The following HPGDS variants were observed in gnomAD, a reference collection of about 807,000 sequenced individuals.
HPGDS encodes hematopoietic prostaglandin D synthase, also known as GST class-sigma.
HPGDS carries 26 observed loss-of-function variants against 23.1 expected under a neutral mutation model. The ratio of observed to expected loss-of-function variants is 1.13; its 90% confidence interval spans 0.83 to 1.56. HPGDS has a LOEUF of 1.56. Ranked by LOEUF, HPGDS falls within the 40% of genes most tolerant of loss-of-function variation. The pLI, the probability that HPGDS is intolerant of heterozygous loss-of-function variation, is 0.00. For missense variants in HPGDS, 268 were observed against 236.4 expected (o/e 1.13, Z -0.88); for synonymous variants, 95 against 77.9 (o/e 1.22, Z -1.16).
At chr4:94,334,299 C>A in intron 2 of HPGDS, 198 bp downstream of exon 2, 1 of 456,310 alleles carries the variant, frequency 2.2e-6, no homozygotes, top group Non-Finnish European at 3.8e-6. Flanking sequence ...CCTTTATATT[C>A]TCTTTCTGTA....
chr4:94,316,033 CT>C (rs887184146), intron 3 of HPGDS, among the ~76,000 whole-genome samples: 2 of 152,108 alleles, frequency 1.3e-5, no homozygotes, highest in Non-Finnish European at 2.9e-5. Flanking sequence ...ACCAGCTCTC[CT>C]TTTTTTACCC....
chr4:94,338,885 G>A (rs965373149), intron 1 of HPGDS, among the ~76,000 whole-genome samples: 2 of 152,174 alleles, frequency 1.3e-5, no homozygotes, highest in African/African-American at 2.4e-5. Context: ...GATTTCAAAT[G>A]GAAATGCTAA....
intron 2 of HPGDS, among the ~76,000 whole-genome samples, chr4:94,331,293 ATCTTC>A (rs1196815754): frequency 6.6e-6 from 1 of 152,146 alleles, no homozygotes; most frequent in African/African-American, 2.4e-5. Context: ...TGGATAGAAT[ATCTTC>A]TCTTATTTCT....
intron 5 of HPGDS, among the ~76,000 whole-genome samples, chr4:94,300,423 A>G (rs1045314473): frequency 3.9e-5 from 6 of 152,198 alleles, no homozygotes; most frequent in Non-Finnish European, 7.3e-5. Context: ...CTTTGGCTCC[A>G]TATGATTATC....
chr4:94,325,611 G>T (rs576473251), intron 2 of HPGDS, among the ~76,000 whole-genome samples: 1 of 152,214 alleles, frequency 6.6e-6, no homozygotes, highest in Non-Finnish European at 1.5e-5. Flanking sequence ...ATAATCTCCT[G>T]TTGTGCCATT....
At position 94,299,577 on chromosome 4, in the gene HPGDS, A is replaced by G. The variant is rs1755994579; in HGVS notation, c.503T>C (p.Leu168Ser). 6.2e-7 allele frequency: 1 copy of G among 1,614,026 alleles called. No individual in the cohort carries two copies. Among genetic ancestry groups the G allele is most frequent in the Non-Finnish European group, 8.5e-7 (1 of 1,180,018 alleles). ...TTLLVFKPDL[L>S]DNHPRLVTLR... ...AGTCACCAGCCTTGGATGGTTGTCTAACAGGTCAGGCTTAAAGACCAAAAG... is the reference window on the plus strand; with the variant it reads ...AGTCACCAGCCTTGGATGGTTGTCTGACAGGTCAGGCTTAAAGACCAAAAG... Residue 168 changes from leucine to serine, a missense_variant, in exon 6 of 6, where the codon TTA becomes TCA. Coordinates refer to ENST00000295256, the MANE Select transcript of HPGDS (RefSeq NM_014485.3).
At chr4:94,321,684 A>G (rs1363202948) in intron 2 of HPGDS, among the ~76,000 whole-genome samples, 5 of 152,190 alleles carry the variant, frequency 3.3e-5, no homozygotes, top group Non-Finnish European at 5.9e-5. Context: ...GGGGTTTTCT[A>G]AATATACAAT....
chr4:94,311,673 C>T (rs1560586661), intron 3 of HPGDS, among the ~76,000 whole-genome samples: 2 of 151,380 alleles, frequency 1.3e-5, no homozygotes, highest in Non-Finnish European at 2.9e-5. Flanking sequence ...AGGGAGGATT[C>T]CCTCTTTTTC....
chr4:94,316,605 T>A (rs1232433355), intron 3 of HPGDS, among the ~76,000 whole-genome samples: 1 of 152,240 alleles, frequency 6.6e-6, no homozygotes, highest in Non-Finnish European at 1.5e-5. Context: ...TCAGATCCAA[T>A]CTATCCTTCT....
rs542390517 is a variant in HPGDS at position 94,336,384 on chromosome 4, C to T, written c.-9-1746G>A. On this transcript the variant is annotated intron_variant, in intron 1 of 5. Transcript: ENST00000295256. ...AGAAGCTCCCAGGTTCAGGAAGTGA[C>T]GGTGATGGTAATTCCTAGCAAAACC... Among the ~76,000 whole-genome samples the T allele has an allele frequency of 4.5e-4, 68 of 152,096 alleles. 1 individual carries two copies. In the South Asian group the frequency reaches 8.7e-3, roughly 19 times the overall value.
In HPGDS at chr4:94,299,213, T is replaced by C; in HGVS notation, c.*267A>G. On this transcript the variant is annotated 3_prime_UTR_variant, in exon 6 of 6. Transcript: ENST00000295256. ...AACCATTATGACTGCAATTCGTGCA[T>C]GTTAGAACCTGTGCAAAGCAAGGTC... The C allele has an allele frequency of 3.2e-6, 1 of 309,270 alleles. No individual in the cohort carries two copies. Among genetic ancestry groups the C allele is most frequent in the Non-Finnish European group, 5.9e-6 (1 of 168,158 alleles). The allele number at this position is 309,270 out of a possible 1,614,324, so 19.2% of individuals were successfully genotyped here. A position where few individuals can be genotyped will look rare whatever the true frequency, so the allele number is the denominator to read the frequency against.
chr4:94,340,647 T>C (rs914392610), intron 1 of HPGDS, among the ~76,000 whole-genome samples: 85 of 31,648 alleles, frequency 2.7e-3, no homozygotes, highest in South Asian at 5.9e-3. Flanking sequence ...CCCGCCCCCC[T>C]CCCTTTTTTT....
chr4:94,317,927 C>T lies in HPGDS; in HGVS notation c.172G>A (p.Gly58Arg). 1 of 1,611,610 alleles carries T rather than the reference C, an allele frequency of 6.2e-7. No individual in the cohort carries two copies. Among genetic ancestry groups the T allele is most frequent in the Non-Finnish European group, 8.5e-7 (1 of 1,178,794 alleles). The stretch of plus-strand genomic sequence containing the variant: ...GCTAGGCTCTGGTGAAGAGTAAGTC[C>T]ATCAACTTCCAAAATGGGGATTTTT... The part of the protein sequence containing the change: ...FGKIPILEVD[G>R]LTLHQSLAIA... The change falls in exon 3 of 6, where the codon GGA becomes AGA. Residue 58 changes from glycine to arginine, a missense_variant. Physicochemically the swap from Gly to Arg is moderately radical, Grantham distance 125. Transcript: ENST00000295256.
Position 94,340,311 on chromosome 4 carries a change from C to CTTTTCTTTTTTTTTTTTTTTT in HPGDS, c.-10+2483_-10+2484insAAAAAAAAAAAAAAAAGAAAA, listed in dbSNP as rs1721126934. On this transcript the variant is annotated intron_variant, in intron 1 of 5. Coordinates refer to ENST00000295256, the MANE Select transcript of HPGDS (RefSeq NM_014485.3). The stretch of plus-strand genomic sequence containing the variant: ...TTTCTTTCTTTCTTTCTTTCTTTCT[C>CTTTTCTTTTTTTTTTTTTTTT]TTTTTTTTTTTTTTTTTTTTTTTTT... Among the ~76,000 whole-genome samples the CTTTTCTTTTTTTTTTTTTTTT allele has an allele frequency of 3.0e-4, 7 of 23,686 alleles. 1 individual carries two copies. Among genetic ancestry groups the CTTTTCTTTTTTTTTTTTTTTT allele is most frequent in the East Asian group, 1.4e-3 (1 of 726 alleles). 15.5% of individuals were successfully genotyped at this position (23,686 alleles called of 152,430 possible). A position where few individuals can be genotyped will look rare whatever the true frequency, so the allele number is the denominator to read the frequency against.
chr4:94,300,725 GA>G (rs373133686), intron 5 of HPGDS, among the ~76,000 whole-genome samples: 21,799 of 147,076 alleles, frequency 0.15, 1,776 homozygotes, highest in Non-Finnish European at 0.19. Flanking sequence ...TAGGGGTTAG[GA>G]AAAAAAAAAA....
In HPGDS at chr4:94,340,313, T is replaced by TTTTC. The variant is rs1721129950; in HGVS notation, c.-10+2481_-10+2482insGAAA. ...TCTTTCTTTCTTTCTTTCTTTCTCT[T>TTTTC]TTTTTTTTTTTTTTTTTTTTTTTTT... On this transcript the variant is annotated intron_variant, in intron 1 of 5. Coordinates refer to ENST00000295256, the MANE Select transcript of HPGDS (RefSeq NM_014485.3). Among the ~76,000 whole-genome samples, 2 of 17,612 alleles carry TTTTC rather than the reference T, an allele frequency of 1.1e-4. 1 individual carries two copies. The highest frequency in any genetic ancestry group is 2.1e-4 in the Non-Finnish European group (2 of 9,470). The allele number at this position is 17,612 out of a possible 152,430, so 11.6% of individuals were successfully genotyped here. A position where few individuals can be genotyped will look rare whatever the true frequency, so the allele number is the denominator to read the frequency against.
chr4:94,334,643 A>T lies in HPGDS; in HGVS notation c.-9-5T>A. ...GTAGTTTGGCATGGTGCAATTCTGG[A>T]AAAAGAAAAAGGGAGGGATTATTTT... On this transcript the variant is annotated splice_region_variant and splice_polypyrimidine_tract_variant and intron_variant, in intron 1 of 5. Coordinates refer to ENST00000295256, the MANE Select transcript of HPGDS (RefSeq NM_014485.3). 1 of 1,605,318 alleles carries T rather than the reference A, an allele frequency of 6.2e-7. No individual in the cohort carries two copies.
intron 5 of HPGDS, among the ~76,000 whole-genome samples, chr4:94,300,908 G>A (rs1312949133): frequency 3.3e-5 from 5 of 152,166 alleles, no homozygotes; most frequent in Non-Finnish European, 7.3e-5. Flanking sequence ...ATGTGAGTTA[G>A]GTCTGAGGGA....
chr4:94,335,985 C>T (rs1721003030), intron 1 of HPGDS, among the ~76,000 whole-genome samples: 1 of 152,098 alleles, frequency 6.6e-6, no homozygotes, highest in Admixed American at 6.5e-5. Context: ...GCAGGCGGAT[C>T]ACCTGAAGCC....
Sources: gnomAD v4.1 joint callset for allele counts (sites outside exome capture counted in the v4.1 genomes callset) on GRCh38, gnomAD v4.1.1 for gene constraint, MANE v1.5 for transcripts, NCBI Gene and HGNC (gene_info 2026-07-23, HGNC 2026-07-21) for gene names.